The following KLF12 variants were observed in gnomAD, a reference collection of about 807,000 sequenced individuals.
KLF12 encodes Krueppel-like factor 12.
A neutral mutation model predicts 37.8 loss-of-function variants in KLF12; 9 were observed. The observed-to-expected ratio is 0.24, with a 90% confidence interval of 0.14 to 0.42. KLF12 has a LOEUF of 0.42. KLF12 is among the 10% of genes least tolerant of loss of function. The pLI is 1.00. For synonymous variants in KLF12, 208 were observed against 202.1 expected (o/e 1.03, Z -0.25); for missense variants, 411 against 516.0 (o/e 0.80, Z 1.97).
chr13:73,765,058 T>A lies in KLF12; in HGVS notation c.807-58A>T, dbSNP rs1327627350. On this transcript the variant is annotated intron_variant, in intron 5 of 7. Coordinates refer to ENST00000377669, the MANE Select transcript of KLF12 (RefSeq NM_007249.5). ...AAAAGCATATTCCCAATTGCAAATT[T>A]AAAAAAATGGCATGTTTTATAAATA... 6.0e-6 allele frequency: 6 copies of A among 1,004,750 alleles called. No homozygotes were observed. In the African/African-American group the frequency reaches 9.7e-5, roughly 16 times the overall value. 62.2% of individuals were successfully genotyped at this position (1,004,750 alleles called of 1,614,324 possible).
chr13:74,181,640 A>G, the KLF12 span, among the ~76,000 whole-genome samples: 1 of 149,666 alleles, frequency 6.7e-6, no homozygotes, highest in African/African-American at 2.4e-5. Context: ...CAGAGGTTGC[A>G]GTGAGCCAAG....
At chr13:73,948,333 T>C (rs1890519139) in intron 2 of KLF12, among the ~76,000 whole-genome samples, 1 of 152,202 alleles carries the variant, frequency 6.6e-6, no homozygotes. Flanking sequence ...GCAATTCTTG[T>C]GCCTCAGCAT....
chr13:74,138,068 T>G (rs1005828397), upstream of KLF12, among the ~76,000 whole-genome samples: 1 of 152,262 alleles, frequency 6.6e-6, no homozygotes, highest in Non-Finnish European at 1.5e-5. Context: ...AAAAATCTTT[T>G]ACAGTATTAA....
In KLF12 at chr13:74,034,463, T is replaced by C. The variant is rs1375892017; in HGVS notation, c.-31-39410A>G. 5.9e-5 allele frequency among the ~76,000 whole-genome samples: 9 copies of C among 152,216 alleles called. No homozygotes were observed. In the East Asian group the frequency reaches 1.5e-3, roughly 26 times the overall value. ...TTACTTTATTTAAGAGGTTTCTTCA[T>C]GAAAAATATTTTCACTGTCATATAT... On this transcript the variant is annotated intron_variant, in intron 1 of 7. Transcript: ENST00000377669.
the KLF12 span, among the ~76,000 whole-genome samples, chr13:74,166,087 CTTTTT>C: frequency 5.8e-5 from 6 of 103,762 alleles, no homozygotes; most frequent in African/African-American, 1.8e-4. Context: ...GCATAAACAC[CTTTTT>C]TTTTTTTTTT....
the KLF12 span, among the ~76,000 whole-genome samples, chr13:74,264,905 T>C: frequency 6.6e-6 from 1 of 152,068 alleles, no homozygotes. Flanking sequence ...TTTCATATAG[T>C]GCAATTATCT....
At chr13:74,066,491 G>A (rs1020407392) in intron 1 of KLF12, among the ~76,000 whole-genome samples, 3 of 151,954 alleles carry the variant, frequency 2.0e-5, no homozygotes, top group Non-Finnish European at 2.9e-5. Flanking sequence ...GCGAGACCTT[G>A]TTTCTACCAG....
chr13:74,187,024 G>A, the KLF12 span, among the ~76,000 whole-genome samples: 2 of 152,150 alleles, frequency 1.3e-5, no homozygotes, highest in African/African-American at 4.8e-5. Context: ...TCTGCACATA[G>A]AAGGTGCAAC....
At chr13:74,222,098 C>T in the KLF12 span, among the ~76,000 whole-genome samples, 1 of 152,188 alleles carries the variant, frequency 6.6e-6, no homozygotes. Flanking sequence ...GTTATCCTCC[C>T]ACCACTTGTC....
intron 2 of KLF12, among the ~76,000 whole-genome samples, chr13:73,971,849 G>A (rs963267691): frequency 6.6e-5 from 10 of 152,164 alleles, no homozygotes; most frequent in African/African-American, 2.4e-4. Context: ...GGGCAACACA[G>A]CAAGACCCCA....
At chr13:74,119,466 A>T (rs988696084) in intron 1 of KLF12, among the ~76,000 whole-genome samples, 2 of 152,220 alleles carry the variant, frequency 1.3e-5, no homozygotes, top group Non-Finnish European at 2.9e-5. Context: ...CAAAATAAAT[A>T]TAAGATGTAA....
At chr13:73,854,827 C>T (rs1046567676) in intron 3 of KLF12, among the ~76,000 whole-genome samples, 2 of 152,166 alleles carry the variant, frequency 1.3e-5, no homozygotes, top group Non-Finnish European at 2.9e-5. Context: ...CTCTCCAATC[C>T]TAAAACTTTC....
At chr13:74,022,455 G>A (rs942897805) in intron 1 of KLF12, among the ~76,000 whole-genome samples, 1 of 151,994 alleles carries the variant, frequency 6.6e-6, no homozygotes, top group African/African-American at 2.4e-5. Context: ...AGTGGCCACA[G>A]TCTCCCACTT....
At chr13:74,266,510 C>G in the KLF12 span, among the ~76,000 whole-genome samples, 13 of 152,126 alleles carry the variant, frequency 8.5e-5, no homozygotes, top group African/African-American at 2.4e-4. Flanking sequence ...GGTTCCAAGC[C>G]AATCTTAAAT....
At chr13:73,930,681 T>C (rs1889625317) in intron 3 of KLF12, among the ~76,000 whole-genome samples, 1 of 152,124 alleles carries the variant, frequency 6.6e-6, no homozygotes, top group South Asian at 2.1e-4. Context: ...TATTTTAAAA[T>C]GGCAATTATT....
chr13:74,010,724 C>T (rs1892530193), intron 1 of KLF12, among the ~76,000 whole-genome samples: 1 of 151,982 alleles, frequency 6.6e-6, no homozygotes, highest in Admixed American at 6.5e-5. Context: ...TCAAAAAAAG[C>T]TGCATGAACC....
At chr13:73,719,837 C>A (rs1049944427) in intron 6 of KLF12, among the ~76,000 whole-genome samples, 1 of 151,936 alleles carries the variant, frequency 6.6e-6, no homozygotes, top group Non-Finnish European at 1.5e-5. Flanking sequence ...CCTGGCTTCA[C>A]GTGATCCTGC....
the KLF12 span, among the ~76,000 whole-genome samples, chr13:74,168,512 T>A: frequency 6.6e-6 from 1 of 152,214 alleles, no homozygotes; most frequent in Admixed American, 6.5e-5. Flanking sequence ...CTGGTGATAT[T>A]CGACACAGAG....
intron 3 of KLF12, among the ~76,000 whole-genome samples, chr13:73,928,168 T>C (rs1358027305): frequency 1.3e-5 from 2 of 152,226 alleles, no homozygotes; most frequent in Non-Finnish European, 2.9e-5. Context: ...CATCTATCTC[T>C]TAAGTCCACG....
Sources: allele counts gnomAD v4.1 joint callset (sites outside exome capture counted in the v4.1 genomes callset), GRCh38; gene constraint gnomAD v4.1.1; transcripts MANE v1.5; gene names NCBI Gene and HGNC (gene_info 2026-07-23, HGNC 2026-07-21).